RUNX1T1: variants seen among roughly 807,000 people sequenced by gnomAD.
RUNX1T1 encodes the protein protein CBFA2T1.
RUNX1T1 carries 4 observed loss-of-function variants against 62.8 expected under a neutral mutation model. That is an observed-to-expected ratio of 0.06 (90% CI 0.03 to 0.15). The LOEUF is 0.15. RUNX1T1 is among the 10% of genes least tolerant of loss of function. RUNX1T1 has a pLI of 1.00. For missense variants in RUNX1T1, 508 were observed against 754.3 expected (o/e 0.67, Z 3.82); for synonymous variants, 291 against 286.0 (o/e 1.02, Z -0.18).
chr8:91,992,038 A>G, intron 5 of RUNX1T1, 149 bp from the exon 7 acceptor site: 1 of 808,180 alleles, frequency 1.2e-6, no homozygotes. Flanking sequence ...ACATACGGGA[A>G]TTCACTGAGA....
At chr8:92,030,631 G>A (rs1451503302) in intron 1 of RUNX1T1, among the ~76,000 whole-genome samples, 1 of 152,130 alleles carries the variant, frequency 6.6e-6, no homozygotes, top group African/African-American at 2.4e-5. Context: ...AACCACCCCG[G>A]TGAAAAGACC....
chr8:92,049,984 T>C (rs1829991417), intron 1 of RUNX1T1, among the ~76,000 whole-genome samples: 1 of 152,216 alleles, frequency 6.6e-6, no homozygotes, highest in Non-Finnish European at 1.5e-5. Flanking sequence ...GTTACTATTT[T>C]ATGAATTAAA....
At chr8:92,004,114 T>C in intron 5 of RUNX1T1, among the ~76,000 whole-genome samples, 1 of 152,202 alleles carries the variant, frequency 6.6e-6, no homozygotes, top group East Asian at 1.9e-4. Flanking sequence ...CAGTCACAAA[T>C]AGATGTCTCT....
At chr8:91,992,842 A>G (rs1301699658) in intron 5 of RUNX1T1, among the ~76,000 whole-genome samples, 4 of 152,236 alleles carry the variant, frequency 2.6e-5, no homozygotes, top group African/African-American at 9.6e-5. Flanking sequence ...AATGCATTCT[A>G]TAAATAAGAC....
chr8:92,048,195 A>G (rs1829709048), intron 1 of RUNX1T1, among the ~76,000 whole-genome samples: 1 of 152,228 alleles, frequency 6.6e-6, no homozygotes, highest in African/African-American at 2.4e-5. Flanking sequence ...TGAACATTCA[A>G]TACACTTGTT....
At chr8:92,034,629 A>C (rs1826902735) in intron 1 of RUNX1T1, among the ~76,000 whole-genome samples, 1 of 138,978 alleles carries the variant, frequency 7.2e-6, no homozygotes. Flanking sequence ...AATCAAACTA[A>C]GTATCCATCA....
chr8:92,041,487 T>G (rs1046188324), intron 1 of RUNX1T1, among the ~76,000 whole-genome samples: 2 of 152,194 alleles, frequency 1.3e-5, no homozygotes, highest in African/African-American at 4.8e-5. Context: ...ACGCCTGTAA[T>G]CCCAACAATT....
chr8:92,019,066 G>A (rs559770646), intron 1 of RUNX1T1: 2 of 152,274 alleles, frequency 1.3e-5, no homozygotes, highest in East Asian at 3.9e-4. Flanking sequence ...GAAAAATACA[G>A]AAGTTAGGCA....
At chr8:92,036,759 T>C (rs866400438) in intron 1 of RUNX1T1, among the ~76,000 whole-genome samples, 3 of 152,330 alleles carry the variant, frequency 2.0e-5, no homozygotes, top group East Asian at 1.9e-4. Flanking sequence ...AATGTGGTTA[T>C]GTCAACTTAT....
intron 1 of RUNX1T1, among the ~76,000 whole-genome samples, chr8:92,083,401 C>T (rs1299662135): frequency 6.6e-6 from 1 of 151,974 alleles, no homozygotes; most frequent in Non-Finnish European, 1.5e-5. Context: ...AACAAATTTA[C>T]AAGAAAAAAA....
At chr8:92,031,060 G>C (rs1826124930) in intron 1 of RUNX1T1, among the ~76,000 whole-genome samples, 1 of 152,180 alleles carries the variant, frequency 6.6e-6, no homozygotes, top group Admixed American at 6.5e-5. Flanking sequence ...TCTGGGCATA[G>C]CATTATTTTC....
intron 1 of RUNX1T1, among the ~76,000 whole-genome samples, chr8:92,053,497 A>G (rs914349436): frequency 1.3e-5 from 2 of 152,188 alleles, no homozygotes; most frequent in Non-Finnish European, 2.9e-5. Flanking sequence ...ATTATGCCAG[A>G]AAGTTTTAAG....
intron 1 of RUNX1T1, among the ~76,000 whole-genome samples, chr8:92,061,292 T>A (rs1019706587): frequency 2.0e-5 from 3 of 152,192 alleles, no homozygotes; most frequent in African/African-American, 7.2e-5. Flanking sequence ...ATCAGATAAA[T>A]GTGCTCAATA....
intron 5 of RUNX1T1, among the ~76,000 whole-genome samples, chr8:91,995,264 C>A (rs1326879843): frequency 6.6e-6 from 1 of 152,086 alleles, no homozygotes. Flanking sequence ...CTTAGATAAA[C>A]CCTTTGTTCA....
intron 1 of RUNX1T1, among the ~76,000 whole-genome samples, chr8:92,037,290 T>C (rs1827604457): frequency 6.6e-6 from 1 of 152,188 alleles, no homozygotes; most frequent in South Asian, 2.1e-4. Context: ...GAAAGAAATG[T>C]TCAGGTGCCT....
chr8:92,015,789 T>A (rs531571134), intron 2 of RUNX1T1, among the ~76,000 whole-genome samples: 2 of 152,346 alleles, frequency 1.3e-5, no homozygotes, highest in African/African-American at 4.8e-5. Flanking sequence ...GCTTAAAAGT[T>A]CAATTTTGAC....
rs149208341 is a variant in RUNX1T1 at position 92,008,367 on chromosome 8, A to ATC, written c.477+2633_477+2634dup. Among the ~76,000 whole-genome samples the ATC allele has an allele frequency of 8.5e-3, 1,131 of 132,620 alleles. 14 individuals are homozygous for ATC. The highest frequency in any genetic ancestry group is 0.026 in the African/African-American group (906 of 35,054). The allele number at this position is 132,620 out of a possible 152,430, so 87.0% of individuals were successfully genotyped here. A position where few individuals can be genotyped will look rare whatever the true frequency, so the allele number is the denominator to read the frequency against. ...AAAAAGAATTATTTGGGTGCCACAT[A>ATC]TCTCTCTCTCTCTCTCTCTCTCACA... On this transcript the variant is annotated intron_variant, in intron 4 of 10. Transcript: ENST00000396218.
chr8:92,095,400 G>T (rs1563949046), intron 1 of RUNX1T1: 3 of 1,535,434 alleles, frequency 2.0e-6, no homozygotes, highest in Non-Finnish European at 2.6e-6. Flanking sequence ...CACCCAGACC[G>T]CGGCTTTGTA....
intron 1 of RUNX1T1, among the ~76,000 whole-genome samples, chr8:92,089,151 C>G (rs1189390772): frequency 6.6e-6 from 1 of 152,140 alleles, no homozygotes; most frequent in African/African-American, 2.4e-5. Flanking sequence ...AAGTGCTCAC[C>G]TTGATCAAAC....
Sources: allele counts gnomAD v4.1 joint callset (sites outside exome capture counted in the v4.1 genomes callset), GRCh38; gene constraint gnomAD v4.1.1; transcripts MANE v1.5; gene names NCBI Gene and HGNC (gene_info 2026-07-23, HGNC 2026-07-21).